OR1B1: variants seen among roughly 807,000 people sequenced by gnomAD.
The protein encoded by OR1B1 is olfactory receptor 1B1.
For missense variants in OR1B1, 414 were observed against 402.1 expected, an observed-to-expected ratio of 1.03 and a Z score of -0.25; for synonymous variants, 168 against 156.2, an observed-to-expected ratio of 1.08 and a Z score of -0.57.
At chr9:122,643,333 A>G in the OR1B1 span, among the ~76,000 whole-genome samples, 12,779 of 152,252 alleles carry the variant, frequency 0.084, 721 homozygotes, top group South Asian at 0.17. Context: ...GGGACTTTAC[A>G]CTGAACTCAG....
chr9:122,653,265 C>T, the OR1B1 span, among the ~76,000 whole-genome samples: 1 of 152,196 alleles, frequency 6.6e-6, no homozygotes, highest in Non-Finnish European at 1.5e-5. Flanking sequence ...ATTTCAGGCT[C>T]ACAGTGCATC....
chr9:122,630,358 A>C (rs896537469), upstream of OR1B1, among the ~76,000 whole-genome samples: 3 of 152,358 alleles, frequency 2.0e-5, no homozygotes, highest in South Asian at 6.2e-4. Flanking sequence ...ACAAACAAAA[A>C]ACTGAAGGAA....
chr9:122,642,887 T>C, the OR1B1 span, among the ~76,000 whole-genome samples: 7 of 152,354 alleles, frequency 4.6e-5, no homozygotes, highest in East Asian at 1.2e-3. Flanking sequence ...ACCTCTAGTC[T>C]ACTTACATGT....
chr9:122,645,087 T>C, the OR1B1 span, among the ~76,000 whole-genome samples: 3 of 152,024 alleles, frequency 2.0e-5, no homozygotes, highest in African/African-American at 4.8e-5. Context: ...CACAAAGAGA[T>C]TGAAATAATT....
chr9:122,657,180 C>A, the OR1B1 span, among the ~76,000 whole-genome samples: 1 of 152,044 alleles, frequency 6.6e-6, no homozygotes, highest in South Asian at 2.1e-4. Flanking sequence ...AAATCAGAGA[C>A]TTTCTGGCCA....
upstream of OR1B1, among the ~76,000 whole-genome samples, chr9:122,633,439 C>T (rs1830224147): frequency 6.6e-6 from 1 of 152,044 alleles, no homozygotes. Context: ...CAAAAGCAAA[C>T]ATAAACAAGT....
At chr9:122,650,615 A>G in the OR1B1 span, among the ~76,000 whole-genome samples, 1 of 152,084 alleles carries the variant, frequency 6.6e-6, no homozygotes, top group African/African-American at 2.4e-5. Flanking sequence ...TAACTGATAA[A>G]ATTCCAGAGC....
the OR1B1 span, among the ~76,000 whole-genome samples, chr9:122,644,974 A>G: frequency 6.6e-6 from 1 of 152,246 alleles, no homozygotes; most frequent in Non-Finnish European, 1.5e-5. Flanking sequence ...AGAAACAGAG[A>G]TATATGAACT....
the OR1B1 span, among the ~76,000 whole-genome samples, chr9:122,634,643 G>C: frequency 7.2e-5 from 11 of 152,104 alleles, no homozygotes; most frequent in African/African-American, 2.7e-4. Context: ...CCTCCCACCA[G>C]GTCCCTCCCT....
At chr9:122,632,106 A>G (rs940173296), upstream of OR1B1, among the ~76,000 whole-genome samples, 2 of 152,304 alleles carry the variant, frequency 1.3e-5, no homozygotes, top group Admixed American at 6.5e-5. Flanking sequence ...TCCACCAAAG[A>G]TGAGCTCACA....
upstream of OR1B1, among the ~76,000 whole-genome samples, chr9:122,630,882 A>T (rs1288151038): frequency 6.6e-6 from 1 of 151,824 alleles, no homozygotes; most frequent in Non-Finnish European, 1.5e-5. Context: ...TCATTTTTGT[A>T]TTTTTAGCAG....
At chr9:122,628,733 G>T (rs41316978) in exon 1 of OR1B1, 2 of 1,614,074 alleles carry the variant, frequency 1.2e-6, no homozygotes, top group Non-Finnish European at 1.7e-6. Context: ...CTGGAAGGGA[G>T]GCTGGAAGTA....
chr9:122,641,126 A>G, the OR1B1 span, among the ~76,000 whole-genome samples: 4 of 152,180 alleles, frequency 2.6e-5, no homozygotes, highest in African/African-American at 9.6e-5. Context: ...CAAAATCATA[A>G]CAGGGTATAG....
the OR1B1 span, among the ~76,000 whole-genome samples, chr9:122,653,765 T>C: frequency 6.6e-6 from 1 of 152,136 alleles, no homozygotes. Context: ...GGGTTTTAAG[T>C]GGTAAGGATA....
chr9:122,628,408 A>G (rs1346579332), downstream of OR1B1, among the ~76,000 whole-genome samples: 2 of 152,304 alleles, frequency 1.3e-5, no homozygotes, highest in East Asian at 3.9e-4. Context: ...TTATGTGTCT[A>G]TGAATGTGGA....
chr9:122,635,279 T>C, the OR1B1 span, among the ~76,000 whole-genome samples: 30 of 152,322 alleles, frequency 2.0e-4, no homozygotes, highest in East Asian at 2.5e-3. Flanking sequence ...AAAAAAATAC[T>C]GCATAATTTT....
the OR1B1 span, among the ~76,000 whole-genome samples, chr9:122,645,344 A>G: frequency 6.6e-6 from 1 of 152,082 alleles, no homozygotes; most frequent in South Asian, 2.1e-4. Context: ...GGAGGTAGAA[A>G]GAGAGAAAGA....
the OR1B1 span, among the ~76,000 whole-genome samples, chr9:122,642,820 A>G: frequency 6.6e-6 from 1 of 152,150 alleles, no homozygotes; most frequent in Non-Finnish European, 1.5e-5. Context: ...ATTGAATATA[A>G]TTCTAGGCTA....
chr9:122,632,536 C>T (rs566294585), upstream of OR1B1, among the ~76,000 whole-genome samples: 2 of 152,162 alleles, frequency 1.3e-5, no homozygotes, highest in Non-Finnish European at 2.9e-5. Context: ...GCAGTATACA[C>T]AGCACCCAAT....
Sources: allele counts gnomAD v4.1 joint callset (sites outside exome capture counted in the v4.1 genomes callset), GRCh38; gene constraint gnomAD v4.1.1; transcripts MANE v1.5; gene names NCBI Gene and HGNC (gene_info 2026-07-23, HGNC 2026-07-21).